The following CATSPERD variants were observed in gnomAD, a reference collection of about 807,000 sequenced individuals.
CATSPERD encodes the protein catsper channel auxiliary subunit delta, also known as cation channel sperm-associated auxiliary subunit delta.
A neutral mutation model predicts 98.1 loss-of-function variants in CATSPERD; 86 were observed. That is an observed-to-expected ratio of 0.88 (90% CI 0.74 to 1.05). The LOEUF is 1.05. Among genes scored for constraint, CATSPERD ranks in the 50% least tolerant of loss-of-function variants. The pLI is 0.00. For synonymous variants in CATSPERD, 394 were observed against 390.2 expected (o/e 1.01, Z -0.12); for missense variants, 995 against 1,005.7 (o/e 0.99, Z 0.14).
chr19:5,720,790 TCA>T lies in CATSPERD; in HGVS notation c.56_57del (p.Thr19SerfsTer16), dbSNP rs2055441836. 1 of 1,601,364 alleles carries T rather than the reference TCA, an allele frequency of 6.2e-7. No homozygotes were observed. The highest frequency in any genetic ancestry group is 8.5e-7 in the Non-Finnish European group (1 of 1,179,228). ...GTGACCATGTGGCTCCGACCGCTGG[TCA>T]CAGCTCAGCTCTGTCGGTGGGGCTG... On this transcript the variant is annotated frameshift_variant, in exon 1 of 22. Coordinates refer to ENST00000381624, the MANE Select transcript of CATSPERD (RefSeq NM_152784.4). LOFTEE classifies it high-confidence loss of function.
chr19:5,776,183 CCAA>C lies in CATSPERD; in HGVS notation c.1971_1973del (p.Asn658del), dbSNP rs2144704022. The C allele has an allele frequency of 1.2e-6, 2 of 1,614,226 alleles. No homozygotes were observed. Among genetic ancestry groups the C allele is most frequent in the Non-Finnish European group, 1.7e-6 (2 of 1,180,042 alleles). Reference sequence around the variant, plus strand: ...CAGAACTATGTGAGCTGCCACGACCCCAACAACAATGCCCCTTTGAGGTGGCCA... The same window carrying C: ...CAGAACTATGTGAGCTGCCACGACCCCAACAATGCCCCTTTGAGGTGGCCA... On this transcript the variant is annotated inframe_deletion, in exon 21 of 22. Transcript: ENST00000381624.
rs143660393 is a variant in CATSPERD, at chr19:5,772,812, G to T, written c.1788G>T (p.Glu596Asp). ...GGTGGCGAAAAGACAGTTTCCAGGA[G>T]GTCATCGACGCCGAGTATGTGTTAC... ...VELWRKDSFQ[E>D]VIDAEYVLLE... Residue 596 changes from glutamate (E) to aspartate (D), a missense_variant, in exon 20 of 22, where the codon GAG becomes GAT. Physicochemically the swap from Glu to Asp is conservative, Grantham distance 45. This residue lies in a region of CATSPERD where 762 missense variants were observed against 773.7 expected (regional missense o/e 0.98). Transcript: ENST00000381624. The T allele has an allele frequency of 1.2e-6, 2 of 1,613,786 alleles. No individual in the cohort carries two copies. The highest frequency in any genetic ancestry group is 2.2e-5 in the East Asian group (1 of 44,880).
intron 19 of CATSPERD, chr19:5,772,244 T>TTTTC: frequency 3.6e-6 from 1 of 278,192 alleles, no homozygotes; most frequent in Non-Finnish European, 6.8e-6. Context: ...TTTTTTTTTT[T>TTTTC]TGAGACAGAG....
intron 17 of CATSPERD, among the ~76,000 whole-genome samples, 168 bp downstream of exon 17, chr19:5,766,323 C>T (rs939283421): frequency 2.7e-5 from 4 of 147,984 alleles, no homozygotes; most frequent in African/African-American, 5.0e-5. Flanking sequence ...TGGTGGCAGA[C>T]ACCTGCAATC....
intron 5 of CATSPERD, among the ~76,000 whole-genome samples, chr19:5,735,675 A>G (rs1351784812): frequency 6.6e-6 from 1 of 150,928 alleles, no homozygotes; most frequent in Non-Finnish European, 1.5e-5. Flanking sequence ...GGGTTCCACC[A>G]TGTTGGCCAG....
At chr19:5,736,379 GC>G (rs898599598) in intron 5 of CATSPERD, among the ~76,000 whole-genome samples, 16 of 152,204 alleles carry the variant, frequency 1.1e-4, no homozygotes, top group Non-Finnish European at 2.2e-4. Flanking sequence ...AGAACCATCT[GC>G]TCCCAAATTT....
chr19:5,771,049 C>G lies in CATSPERD; in HGVS notation c.1740C>G (p.Thr580=), dbSNP rs1346307798. Residue 580 remains threonine, a synonymous_variant, in exon 19 of 22, where the codon ACC becomes ACG. Coordinates refer to ENST00000381624, the MANE Select transcript of CATSPERD (RefSeq NM_152784.4). The part of the protein sequence containing the change: ...LGCPLLVYYD[T]LWKPVVELWR... ...GTCCTCTCCTCGTCTACTATGACAC[C>G]CTATGGAAGCCCGTGGTGGAGCTGT... 1 of 1,613,838 alleles carries G rather than the reference C, an allele frequency of 6.2e-7. No homozygotes were observed. Among genetic ancestry groups the G allele is most frequent in the East Asian group, 2.2e-5 (1 of 44,862 alleles).
intron 1 of CATSPERD, 148 bp downstream of exon 1, chr19:5,720,956 A>G (rs1251413708): frequency 3.6e-6 from 2 of 561,262 alleles, no homozygotes; most frequent in South Asian, 2.4e-5. Context: ...CGCTCACCCT[A>G]CTCCACCCCA....
At chr19:5,749,730 G>C (rs1485613656) in intron 11 of CATSPERD, among the ~76,000 whole-genome samples, 1 of 151,870 alleles carries the variant, frequency 6.6e-6, no homozygotes, top group Non-Finnish European at 1.5e-5. Context: ...TAAGTCGTCT[G>C]TCCAGGCTCA....
At chr19:5,742,239 CG>C (rs2055997015) in intron 7 of CATSPERD, among the ~76,000 whole-genome samples, 1 of 136,968 alleles carries the variant, frequency 7.3e-6, no homozygotes, top group Admixed American at 7.3e-5. Context: ...CGTGTGTGTA[CG>C]TATGTGAATG....
rs150894627 is a variant in CATSPERD, at chr19:5,745,774, AG to A, written c.658-138del. 6.6e-3 allele frequency: 4,753 copies of A among 719,032 alleles called. 149 individuals carry two copies. The African/African-American group carries it at 0.071, about 11-fold the overall frequency. The allele number at this position is 719,032 out of a possible 1,614,324, so 44.5% of individuals were successfully genotyped here. A position where few individuals can be genotyped will look rare whatever the true frequency, so the allele number is the denominator to read the frequency against. On this transcript the variant is annotated intron_variant, in intron 8 of 21. Transcript: ENST00000381624. ...AGTTGTATTTAATAAAAATAAAAAA[AG>A]AAAGGCAGACTTGTGGCTTCTTTGC... is the stretch of plus-strand genomic sequence containing the variant.
Position 5,754,114 on chromosome 19 carries a change from C to A in CATSPERD, c.1165-18C>A. 6.6e-7 allele frequency: 1 copy of A among 1,516,666 alleles called. No individual in the cohort carries two copies. Among genetic ancestry groups the A allele is most frequent in the Non-Finnish European group, 9.2e-7 (1 of 1,091,098 alleles). 94.0% of individuals were successfully genotyped at this position (1,516,666 alleles called of 1,614,324 possible). ...GAACAGGAGCATGATTATCTTTCTT[C>A]TTCGCCTTTTTAACTAGATAGAGTT... On this transcript the variant is annotated intron_variant, in intron 12 of 21. Transcript: ENST00000381624.
intron 20 of CATSPERD, among the ~76,000 whole-genome samples, chr19:5,773,613 C>T (rs1290148009): frequency 6.6e-6 from 1 of 151,014 alleles, no homozygotes; most frequent in Non-Finnish European, 1.5e-5. Flanking sequence ...AGACTCAAGC[C>T]TCAAGTGATC....
In CATSPERD at chr19:5,768,234, C is replaced by T. The variant is rs1362927675; in HGVS notation, c.1626C>T (p.Ile542=). ...CCCTGCAAGACAATTACAGCTTCATCATCGAGAAGTAAGCCAGCGTCCCCC... is the reference window on the plus strand; with the variant it reads ...CCCTGCAAGACAATTACAGCTTCATTATCGAGAAGTAAGCCAGCGTCCCCC... ...PLTLQDNYSF[I]IEKEFYDPGF... is the part of the protein sequence containing the mutation. Residue 542 remains isoleucine, a synonymous_variant, in exon 18 of 22, where the codon ATC becomes ATT. Transcript: ENST00000381624. 8.7e-6 allele frequency: 14 copies of T among 1,613,026 alleles called. No individual in the cohort carries two copies.
chr19:5,733,794 C>T (rs1006971514), intron 4 of CATSPERD, 62 bp from the exon 5 acceptor site: 20 of 1,152,860 alleles, frequency 1.7e-5, no homozygotes, highest in African/African-American at 7.9e-5. Flanking sequence ...TAGAAGTCTG[C>T]GTTTCTGAAT....
Position 5,757,895 on chromosome 19 carries a change from A to T in CATSPERD, c.1331A>T (p.Asn444Ile). The part of the protein sequence containing the change: ...SLGFQATFYE[N>I]GYTSDGNTKY... ...GGGTTCCAGGCCACCTTCTACGAGA[A>T]CGGTTACACATCAGATGGGAACACC... The change falls in exon 14 of 22, where the codon AAC becomes ATC. Residue 444 changes from asparagine to isoleucine, a missense_variant. By Grantham distance (149) the Asn-to-Ile change is moderately radical. Around this residue, in one of 3 missense-constraint regions of CATSPERD, gnomAD observed 762 missense variants for 773.7 expected, o/e 0.98. Transcript: ENST00000381624. 1 of 1,613,320 alleles carries T rather than the reference A, an allele frequency of 6.2e-7. No individual in the cohort carries two copies.
rs73920058 is a variant in CATSPERD, at chr19:5,771,203, C to T, written c.1763+131C>T. The T allele has an allele frequency of 4.2e-4, 447 of 1,056,976 alleles. 1 individual carries two copies. The African/African-American group carries it at 6.1e-3, about 15-fold the overall frequency. The allele number at this position is 1,056,976 out of a possible 1,614,324, so 65.5% of individuals were successfully genotyped here. A position where few individuals can be genotyped will look rare whatever the true frequency, so the allele number is the denominator to read the frequency against. Reference sequence around the variant, plus strand: ...AATGATGATGGTCACTGTTTCCCACCGTGCTCCTGCCCCAGCCCCACTGGC... The same window carrying T: ...AATGATGATGGTCACTGTTTCCCACTGTGCTCCTGCCCCAGCCCCACTGGC... On this transcript the variant is annotated intron_variant, in intron 19 of 21. Transcript: ENST00000381624.
intron 1 of CATSPERD, 108 bp downstream of exon 1, chr19:5,720,916 T>C: frequency 1.1e-6 from 1 of 870,040 alleles, no homozygotes; most frequent in Non-Finnish European, 1.7e-6. Context: ...GCTCCCCTTT[T>C]ACTCTTTTTA....
At position 5,745,958 on chromosome 19, in the gene CATSPERD, C is replaced by A; in HGVS notation, c.703C>A (p.Leu235Met). 1 of 1,614,122 alleles carries A rather than the reference C, an allele frequency of 6.2e-7. No homozygotes were observed. The highest frequency in any genetic ancestry group is 1.3e-5 in the African/African-American group (1 of 75,052). The change falls in exon 9 of 22, where the codon CTG (leucine) becomes ATG (methionine). Residue 235 changes from leucine to methionine, a missense_variant. This residue lies in a region of CATSPERD where 762 missense variants were observed against 773.7 expected (regional missense o/e 0.98). Coordinates refer to ENST00000381624, the MANE Select transcript of CATSPERD (RefSeq NM_152784.4). ...TCACCCCCTCAACCGGAGTTTCGGG[C>A]TGTCTTTTGACTATAATGGGACTCT... ...SDHPLNRSFGLSFDYNGTLDI... is the reference protein window; with the variant it reads ...SDHPLNRSFGMSFDYNGTLDI...
Sources: allele counts gnomAD v4.1 joint callset (sites outside exome capture counted in the v4.1 genomes callset), GRCh38; gene constraint gnomAD v4.1.1; regional missense constraint gnomAD v4.1.1; transcripts MANE v1.5; gene names NCBI Gene and HGNC (gene_info 2026-07-23, HGNC 2026-07-21).